PBX1: variants seen among roughly 807,000 people sequenced by gnomAD.
The protein encoded by PBX1 is PBX homeobox 1.
Under a neutral mutation model 53.4 loss-of-function variants are expected in PBX1, and 6 were observed. The ratio of observed to expected loss-of-function variants is 0.11; its 90% confidence interval spans 0.06 to 0.22. The LOEUF (loss-of-function observed/expected upper bound fraction) is 0.22, where lower values mean the gene tolerates loss of function less well. Ranked by LOEUF, PBX1 falls within the 10% of genes least tolerant of loss-of-function variation. The pLI is 1.00. For missense variants in PBX1, 251 were observed against 551.4 expected, an observed-to-expected ratio of 0.46 and a Z score of 5.46; for synonymous variants, 204 against 212.3, an observed-to-expected ratio of 0.96 and a Z score of 0.34.
Position 164,618,744 on chromosome 1 carries a change from T to C in PBX1, c.265+55433T>C, listed in dbSNP as rs1168103153. ...TGGTCTTTTACATCTCTAATATTTATGAAGTACTGAGGCTCTGAGCCAGCC... is the reference window on the plus strand; with the variant it reads ...TGGTCTTTTACATCTCTAATATTTACGAAGTACTGAGGCTCTGAGCCAGCC... On this transcript the variant is annotated intron_variant, in intron 2 of 8. Coordinates refer to ENST00000420696, the MANE Select transcript of PBX1 (RefSeq NM_002585.4). Among the ~76,000 whole-genome samples the C allele has an allele frequency of 2.0e-5, 3 of 152,184 alleles. No homozygotes were observed. The South Asian group carries it at 6.2e-4, about 31-fold the overall frequency.
chr1:164,592,662 T>G (rs1655473203), intron 2 of PBX1, among the ~76,000 whole-genome samples: 1 of 152,118 alleles, frequency 6.6e-6, no homozygotes, highest in South Asian at 2.1e-4. Flanking sequence ...CTCCACACAG[T>G]AAGTTGAAAA....
intron 2 of PBX1, among the ~76,000 whole-genome samples, chr1:164,597,992 T>C (rs1557881961): frequency 6.6e-6 from 1 of 152,138 alleles, no homozygotes; most frequent in Non-Finnish European, 1.5e-5. Flanking sequence ...CTTGTGGTTC[T>C]GGAGAATGGG....
Position 164,834,556 on chromosome 1 carries a change from G to A in PBX1, c.1201-12028G>A, listed in dbSNP as rs535202584. ...GACGGAGTTTCACCATGTTGGACAG[G>A]CTGGTCTCAAACTCTGGACCTCAGG... On this transcript the variant is annotated intron_variant, in intron 8 of 8. Coordinates refer to ENST00000420696, the MANE Select transcript of PBX1 (RefSeq NM_002585.4). 3.7e-4 allele frequency among the ~76,000 whole-genome samples: 56 copies of A among 152,196 alleles called. 1 individual carries two copies. The highest frequency in any genetic ancestry group is 1.3e-3 in the African/African-American group (56 of 41,530).
At chr1:164,614,109 C>T (rs1156982692) in intron 2 of PBX1, among the ~76,000 whole-genome samples, 3 of 152,162 alleles carry the variant, frequency 2.0e-5, no homozygotes, top group East Asian at 1.9e-4. Context: ...CAGAATCACT[C>T]GGGAGGCAAA....
chr1:164,768,741 A>G (rs965440768), intron 2 of PBX1, among the ~76,000 whole-genome samples: 2 of 152,216 alleles, frequency 1.3e-5, no homozygotes, highest in East Asian at 3.9e-4. Context: ...GAATGTTGTC[A>G]ACCTACTTGT....
At chr1:164,878,078 T>C (rs1246919331) in intron 2 of PBX1, among the ~76,000 whole-genome samples, 1 of 152,204 alleles carries the variant, frequency 6.6e-6, no homozygotes, top group Non-Finnish European at 1.5e-5. Flanking sequence ...TTTAGAGACA[T>C]AAACACTTAG....
chr1:164,845,453 C>T (rs1421997056), intron 8 of PBX1, among the ~76,000 whole-genome samples: 1 of 152,090 alleles, frequency 6.6e-6, no homozygotes, highest in Non-Finnish European at 1.5e-5. Flanking sequence ...CAATAGAAAA[C>T]ATTTTACCAG....
chr1:164,848,364 A>T lies in PBX1; in HGVS notation c.*1688A>T. 9.5e-7 allele frequency: 1 copy of T among 1,056,866 alleles called. No individual in the cohort carries two copies. The highest frequency in any genetic ancestry group is 1.1e-6 in the Non-Finnish European group (1 of 873,986). The allele number at this position is 1,056,866 out of a possible 1,614,324, so 65.5% of individuals were successfully genotyped here. A position where few individuals can be genotyped will look rare whatever the true frequency, so the allele number is the denominator to read the frequency against. ...GTGCCTCATTTTCTTCATCTGTGAG[A>T]TGGGAACTGTTATGCCTGGCTTACT... On this transcript the variant is annotated 3_prime_UTR_variant, in exon 9 of 9. Coordinates refer to ENST00000420696, the MANE Select transcript of PBX1 (RefSeq NM_002585.4).
chr1:164,838,341 G>T (rs1671140873), intron 8 of PBX1, among the ~76,000 whole-genome samples: 1 of 152,202 alleles, frequency 6.6e-6, no homozygotes, highest in Non-Finnish European at 1.5e-5. Flanking sequence ...CAGAAGCATA[G>T]CCCTGCAGGA....
intron 8 of PBX1, among the ~76,000 whole-genome samples, chr1:164,830,569 T>C (rs901326337): frequency 2.0e-5 from 3 of 152,184 alleles, no homozygotes; most frequent in African/African-American, 7.2e-5. Context: ...TTGTTATGGT[T>C]TTTTTGAAAT....
In PBX1 at chr1:164,849,469, C is replaced by T; in HGVS notation, c.*2793C>T. ...GCAGGATGGGTTTGGAAAGAGCATGCCTCTGGAAACACAGCTTCCTGGGAA... is the reference window on the plus strand; with the variant it reads ...GCAGGATGGGTTTGGAAAGAGCATGTCTCTGGAAACACAGCTTCCTGGGAA... On this transcript the variant is annotated 3_prime_UTR_variant, in exon 9 of 9. Coordinates refer to ENST00000420696, the MANE Select transcript of PBX1 (RefSeq NM_002585.4). The T allele has an allele frequency of 6.5e-7, 1 of 1,533,060 alleles. No individual in the cohort carries two copies. The highest frequency in any genetic ancestry group is 8.7e-7 in the Non-Finnish European group (1 of 1,144,956). The allele number at this position is 1,533,060 out of a possible 1,614,324, so 95.0% of individuals were successfully genotyped here.
chr1:164,812,845 C>T (rs998840802), intron 6 of PBX1: 4 of 142,618 alleles, frequency 2.8e-5, no homozygotes, highest in African/African-American at 9.7e-5. Flanking sequence ...AGAATTTCTA[C>T]ATGTGAAAAA....
At chr1:164,869,691 T>C (rs768664159) in intron 2 of PBX1, among the ~76,000 whole-genome samples, 6 of 152,190 alleles carry the variant, frequency 3.9e-5, no homozygotes, top group Non-Finnish European at 7.3e-5. Context: ...ATGTGTAGAA[T>C]ATTAGGGATA....
intron 2 of PBX1, among the ~76,000 whole-genome samples, chr1:164,724,670 A>ATTTTTTTTTTTTTTTTTT (rs59042806): frequency 4.1e-5 from 2 of 48,238 alleles, no homozygotes; most frequent in Non-Finnish European, 8.6e-5. Flanking sequence ...ATAGCTGCAG[A>ATTTTTTTTTTTTTTTTTT]TTTTTTTTTT....
chr1:164,599,359 AC>A (rs1169581482), intron 2 of PBX1, among the ~76,000 whole-genome samples: 1 of 150,854 alleles, frequency 6.6e-6, no homozygotes, highest in Non-Finnish European at 1.5e-5. Context: ...GCTCAGCCAC[AC>A]CCCCCTCCAT....
chr1:164,635,860 C>G (rs1658738376), intron 2 of PBX1, among the ~76,000 whole-genome samples: 1 of 152,250 alleles, frequency 6.6e-6, no homozygotes, highest in Non-Finnish European at 1.5e-5. Context: ...AGATTCCCTT[C>G]TCTCTGGCTT....
chr1:164,624,506 G>C (rs574698204), intron 2 of PBX1, among the ~76,000 whole-genome samples: 11 of 152,310 alleles, frequency 7.2e-5, no homozygotes, highest in Admixed American at 2.0e-4. Flanking sequence ...CTAACATGGT[G>C]ATTCTCAATT....
At chr1:164,583,821 T>C (rs1654782565) in intron 2 of PBX1, among the ~76,000 whole-genome samples, 1 of 152,100 alleles carries the variant, frequency 6.6e-6, no homozygotes, top group Non-Finnish European at 1.5e-5. Context: ...GAGTGAGAAA[T>C]ATAAGATAGG....
intron 2 of PBX1, among the ~76,000 whole-genome samples, chr1:164,726,209 C>A (rs1033514162): frequency 6.6e-6 from 1 of 152,168 alleles, no homozygotes; most frequent in Non-Finnish European, 1.5e-5. Flanking sequence ...ACGTTTTGGT[C>A]AACCCACGGT....
Sources: allele counts gnomAD v4.1 joint callset (sites outside exome capture counted in the v4.1 genomes callset), GRCh38; gene constraint gnomAD v4.1.1; transcripts MANE v1.5; gene names NCBI Gene and HGNC (gene_info 2026-07-23, HGNC 2026-07-21).